The following MROH2B variants were observed in gnomAD, a reference collection of about 807,000 sequenced individuals.
MROH2B encodes maestro heat-like repeat-containing protein family member 2B.
Under a neutral mutation model 208.6 loss-of-function variants are expected in MROH2B, and 177 were observed. That is an observed-to-expected ratio of 0.85 (90% CI 0.75 to 0.96). MROH2B has a LOEUF of 0.96. Among genes scored for constraint, MROH2B ranks in the 40% least tolerant of loss-of-function variants. MROH2B has a pLI of 0.00. For missense variants in MROH2B, 2,002 were observed against 1,878.7 expected, an observed-to-expected ratio of 1.07 and a Z score of -1.21; for synonymous variants, 728 against 659.0, an observed-to-expected ratio of 1.10 and a Z score of -1.60.
In MROH2B at chr5:41,008,693, A is replaced by G. The variant is rs1259394584; in HGVS notation, c.3521T>C (p.Leu1174Pro). 1 of 1,613,906 alleles carries G rather than the reference A, an allele frequency of 6.2e-7. No homozygotes were observed. The highest frequency in any genetic ancestry group is 8.5e-7 in the Non-Finnish European group (1 of 1,179,836). The change falls in exon 33 of 42, where the codon CTG (leucine) becomes CCG (proline). Residue 1174 changes from leucine to proline, a missense_variant. Coordinates refer to ENST00000399564, the MANE Select transcript of MROH2B (RefSeq NM_173489.5). ...TLLLKLVSCTLGQKMLTCPWS... is the reference protein window; with the variant it reads ...TLLLKLVSCTPGQKMLTCPWS... ...GGGACAAGTGAGCATCTTCTGGCCCAGTGTGCAGCTAACCAGCTTCAGGAG... is the reference window on the plus strand; with the variant it reads ...GGGACAAGTGAGCATCTTCTGGCCCGGTGTGCAGCTAACCAGCTTCAGGAG...
chr5:41,022,576 C>T (rs1040601959), intron 24 of MROH2B, among the ~76,000 whole-genome samples: 16 of 152,158 alleles, frequency 1.1e-4, no homozygotes, highest in Non-Finnish European at 1.8e-4. Context: ...TGGAGCCCAC[C>T]GCAGCTCAAG....
At position 41,020,850 on chromosome 5, in the gene MROH2B, T is replaced by G. The variant is rs148772755; in HGVS notation, c.2442-1832A>C. Among the ~76,000 whole-genome samples, 627 of 152,246 alleles carry G rather than the reference T, an allele frequency of 4.1e-3. 5 individuals carry two copies. The highest frequency in any genetic ancestry group is 0.014 in the African/African-American group (594 of 41,548). The stretch of plus-strand genomic sequence containing the variant: ...TTATAGCTAACATTATATTCAATGG[T>G]GAAAGGCTGAAAACATCCCCTGTAA... On this transcript the variant is annotated intron_variant, in intron 24 of 41. Transcript: ENST00000399564.
chr5:41,045,933 T>G (rs1743105802), intron 17 of MROH2B, 80 bp from the exon 18 acceptor site: 2 of 909,754 alleles, frequency 2.2e-6, no homozygotes, highest in Non-Finnish European at 3.4e-6. Context: ...ATTTTATCTT[T>G]TAAAAGTTTA....
chr5:41,010,157 G>A (rs755443207), intron 30 of MROH2B, 78 bp from the exon 31 acceptor site: 51 of 1,338,276 alleles, frequency 3.8e-5, no homozygotes, highest in South Asian at 3.3e-4. Context: ...GGTATCTGTC[G>A]TGGATGGGCA....
chr5:41,004,600 G>C, intron 36 of MROH2B, 72 bp from the exon 37 acceptor site: 3 of 1,519,308 alleles, frequency 2.0e-6, no homozygotes, highest in Non-Finnish European at 1.8e-6. Context: ...GGAGTCCTCA[G>C]ACAAGAGGAC....
Position 41,010,056 on chromosome 5 carries a change from G to A in MROH2B, c.3159C>T (p.Ile1053=). Residue 1053 remains isoleucine (I), a synonymous_variant, in exon 31 of 42, where the codon ATC becomes ATT. Transcript: ENST00000399564. The stretch of plus-strand genomic sequence containing the variant: ...GTCTGAGGACTGGCATGTGATGGTA[G>A]ATTGTGCCTAAGATCTCCAATAGCT... The part of the protein sequence containing the change: ...EDQLLEILGT[I]YHHMPVLRQK... The A allele has an allele frequency of 2.5e-6, 4 of 1,613,654 alleles. No homozygotes were observed. The highest frequency in any genetic ancestry group is 3.4e-6 in the Non-Finnish European group (4 of 1,179,768).
intron 3 of MROH2B, 90 bp from the exon 4 acceptor site, chr5:41,065,580 T>A: frequency 9.9e-7 from 1 of 1,007,252 alleles, no homozygotes. Context: ...TATTTATATA[T>A]GCATTTATTT....
rs563908093 is a variant in MROH2B at position 41,008,458 on chromosome 5, C to T, written c.3608+148G>A. The T allele has an allele frequency of 1.6e-3, 1,349 of 821,144 alleles. 3 individuals carry two copies. Among genetic ancestry groups the T allele is most frequent in the South Asian group, 7.5e-3 (347 of 46,094 alleles). The allele number at this position is 821,144 out of a possible 1,614,324, so 50.9% of individuals were successfully genotyped here. A position where few individuals can be genotyped will look rare whatever the true frequency, so the allele number is the denominator to read the frequency against. The stretch of plus-strand genomic sequence containing the variant: ...CTCAAGAAGAACTATGGTGTCACGG[C>T]TTAGGGAGAGTAGAGCCTTGTAGAG... On this transcript the variant is annotated intron_variant, in intron 33 of 41. Transcript: ENST00000399564.
At chr5:41,039,391 A>C (rs1742870912) in intron 20 of MROH2B, 57 bp downstream of exon 20, 2 of 1,023,726 alleles carry the variant, frequency 2.0e-6, no homozygotes, top group African/African-American at 3.2e-5. Flanking sequence ...TCACTGAAGA[A>C]ATCAGGGTTG....
At chr5:41,004,213 T>C (rs1367877062) in intron 37 of MROH2B, 133 bp downstream of exon 37, 35 of 952,948 alleles carry the variant, frequency 3.7e-5, no homozygotes, top group Non-Finnish European at 5.3e-5. Context: ...ATAGAGATTG[T>C]CTGCAGGTGA....
chr5:41,031,542 G>T (rs532672242), intron 24 of MROH2B, among the ~76,000 whole-genome samples: 20 of 152,104 alleles, frequency 1.3e-4, no homozygotes, highest in South Asian at 2.1e-4. Context: ...AAAAATTTTT[G>T]TGATTTCCCA....
chr5:41,053,190 A>C (rs950241201), intron 11 of MROH2B, among the ~76,000 whole-genome samples: 5 of 152,192 alleles, frequency 3.3e-5, no homozygotes, highest in Admixed American at 2.6e-4. Flanking sequence ...GAGTCCAAAC[A>C]ACTATGAAAA....
chr5:41,007,780 T>C (rs971800109), intron 33 of MROH2B, among the ~76,000 whole-genome samples: 3 of 152,370 alleles, frequency 2.0e-5, no homozygotes, highest in Admixed American at 6.5e-5. Context: ...CATCTTGCAG[T>C]AGATGTGTGT....
At chr5:41,001,580 A>G (rs1349372) in intron 37 of MROH2B, among the ~76,000 whole-genome samples, 152,188 of 152,222 alleles carry the variant, frequency 1, 76,078 homozygotes, top group Middle Eastern at 1. Context: ...GCCTGGTGGC[A>G]CGTGCCTGTA....
chr5:41,060,031 T>C (rs1221436564), intron 6 of MROH2B, among the ~76,000 whole-genome samples: 1 of 152,236 alleles, frequency 6.6e-6, no homozygotes, highest in Non-Finnish European at 1.5e-5. Context: ...CATTTTGTAC[T>C]GTCCCACATT....
intron 33 of MROH2B, 124 bp downstream of exon 33, chr5:41,008,482 A>G: frequency 9.1e-7 from 1 of 1,097,650 alleles, no homozygotes; most frequent in South Asian, 1.7e-5. Context: ...AGCCTTGTAG[A>G]GCCTTGTTTC....
chr5:41,062,644 T>G (rs993162995), intron 5 of MROH2B, among the ~76,000 whole-genome samples: 2 of 152,194 alleles, frequency 1.3e-5, no homozygotes, highest in African/African-American at 4.8e-5. Context: ...TTTTGCTAGA[T>G]GATAAAGAAA....
intron 29 of MROH2B, among the ~76,000 whole-genome samples, chr5:41,013,021 G>A (rs976715553): frequency 6.6e-6 from 1 of 152,174 alleles, no homozygotes; most frequent in African/African-American, 2.4e-5. Context: ...ATAGCATACA[G>A]CATAGGGAAA....
intron 34 of MROH2B, among the ~76,000 whole-genome samples, chr5:41,007,031 C>T (rs1325523553): frequency 1.3e-5 from 2 of 152,024 alleles, no homozygotes; most frequent in Non-Finnish European, 2.9e-5. Context: ...AAAAGTTCAA[C>T]AGAATTCTAG....
Sources: gnomAD v4.1 joint callset for allele counts (sites outside exome capture counted in the v4.1 genomes callset) on GRCh38, gnomAD v4.1.1 for gene constraint, MANE v1.5 for transcripts, NCBI Gene and HGNC (gene_info 2026-07-23, HGNC 2026-07-21) for gene names.